The following SLMAP variants were observed in gnomAD, a reference collection of about 807,000 sequenced individuals.
The protein encoded by SLMAP is sarcolemmal membrane-associated protein.
SLMAP carries 44 observed loss-of-function variants against 128.8 expected under a neutral mutation model. The observed-to-expected ratio is 0.34, with a 90% CI of 0.27 to 0.44. The LOEUF (loss-of-function observed/expected upper bound fraction) is 0.44, where lower values mean the gene tolerates loss of function less well. Among genes scored for constraint, SLMAP ranks in the 20% least tolerant of loss-of-function variants. The pLI, the probability that SLMAP is intolerant of heterozygous loss-of-function variation, is 1.00. For synonymous variants in SLMAP, 327 were observed against 348.8 expected (o/e 0.94, Z 0.70); for missense variants, 787 against 985.3 (o/e 0.80, Z 2.69).
At chr3:57,883,313 G>C (rs1233045238) in intron 14 of SLMAP, among the ~76,000 whole-genome samples, 6 of 152,168 alleles carry the variant, frequency 3.9e-5, no homozygotes, top group Admixed American at 6.5e-5. Flanking sequence ...AAAGTAGTTG[G>C]ACAATGGACA....
chr3:57,764,660 C>T (rs1038838895), intron 2 of SLMAP, among the ~76,000 whole-genome samples: 3 of 152,136 alleles, frequency 2.0e-5, no homozygotes, highest in Non-Finnish European at 4.4e-5. Context: ...TACTTGTTAA[C>T]TTATTTAATC....
chr3:57,868,475 C>T (rs905778833), intron 13 of SLMAP, among the ~76,000 whole-genome samples: 20 of 151,426 alleles, frequency 1.3e-4, no homozygotes, highest in Non-Finnish European at 2.2e-4. Context: ...CCTGTAATCC[C>T]AGCACTTTGG....
intron 2 of SLMAP, among the ~76,000 whole-genome samples, chr3:57,789,315 C>T (rs2084929961): frequency 6.6e-6 from 1 of 152,042 alleles, no homozygotes; most frequent in African/African-American, 2.4e-5. Context: ...ACTCTGAATA[C>T]AGCATGGGCA....
At chr3:57,922,730 A>G (rs1018357611) in intron 22 of SLMAP, among the ~76,000 whole-genome samples, 159 bp from the exon 23 acceptor site, 3 of 152,040 alleles carry the variant, frequency 2.0e-5, no homozygotes, top group Non-Finnish European at 4.4e-5. Context: ...CCCGGCCAAA[A>G]GACTTCTTAT....
chr3:57,924,035 A>ATGGTTTGG (rs2096960016), intron 23 of SLMAP, among the ~76,000 whole-genome samples: 1 of 152,186 alleles, frequency 6.6e-6, no homozygotes, highest in South Asian at 2.1e-4. Context: ...TCAGATCATA[A>ATGGTTTGG]TGGTTTGGTT....
At chr3:57,892,834 T>G (rs1253242425) in intron 15 of SLMAP, among the ~76,000 whole-genome samples, 1 of 143,418 alleles carries the variant, frequency 7.0e-6, no homozygotes, top group Admixed American at 7.0e-5. Flanking sequence ...TTGCTTTCTT[T>G]TTTTTTTTTT....
chr3:57,865,266 C>A lies in SLMAP; in HGVS notation c.1211C>A (p.Pro404His). 1.3e-6 allele frequency: 2 copies of A among 1,484,554 alleles called. No individual in the cohort carries two copies. The highest frequency in any genetic ancestry group is 1.8e-6 in the Non-Finnish European group (2 of 1,093,714). 92.0% of individuals were successfully genotyped at this position (1,484,554 alleles called of 1,614,324 possible). A position where few individuals can be genotyped will look rare whatever the true frequency, so the allele number is the denominator to read the frequency against. ...SLGIQVDDFLPKINGSTEKEH... is the reference protein window; with the variant it reads ...SLGIQVDDFLHKINGSTEKEH... ...GGGATACAAGTTGATGACTTCTTACCTAAAATAAATGGGAGCACAGAAAAA... is the reference window on the plus strand; with the variant it reads ...GGGATACAAGTTGATGACTTCTTACATAAAATAAATGGGAGCACAGAAAAA... Residue 404 changes from proline to histidine, a missense_variant, in exon 13 of 25, where the codon CCT becomes CAT. This residue lies in a region of SLMAP where 715 missense variants were observed against 843.6 expected (regional missense o/e 0.85). Transcript: ENST00000671191.
intron 21 of SLMAP, among the ~76,000 whole-genome samples, chr3:57,914,433 T>C (rs757495425): frequency 6.6e-6 from 1 of 152,102 alleles, no homozygotes; most frequent in Non-Finnish European, 1.5e-5. Flanking sequence ...ATGTTTTACA[T>C]TGTTTATAAG....
chr3:57,862,353 G>C (rs1248750457), intron 10 of SLMAP, among the ~76,000 whole-genome samples: 2 of 151,500 alleles, frequency 1.3e-5, no homozygotes, highest in Non-Finnish European at 2.9e-5. Context: ...ACAAAAAACA[G>C]TTTGGGCCAG....
At chr3:57,884,945 G>A (rs1687797395) in intron 14 of SLMAP, among the ~76,000 whole-genome samples, 2 of 151,968 alleles carry the variant, frequency 1.3e-5, no homozygotes, top group Non-Finnish European at 2.9e-5. Flanking sequence ...TGAAGAGAAA[G>A]CCAAGATCAG....
chr3:57,862,601 G>C (rs574629057), intron 10 of SLMAP, among the ~76,000 whole-genome samples: 1 of 131,628 alleles, frequency 7.6e-6, no homozygotes, highest in South Asian at 2.4e-4. Flanking sequence ...TTGCACCACT[G>C]CACTCCAGCC....
At chr3:57,904,414 C>T (rs768417090) in intron 17 of SLMAP, among the ~76,000 whole-genome samples, 4 of 152,098 alleles carry the variant, frequency 2.6e-5, no homozygotes, top group Admixed American at 2.6e-4. Flanking sequence ...ACAGAGCAGA[C>T]CCTGTCTTGA....
At chr3:57,778,669 G>T (rs1380488559) in intron 2 of SLMAP, among the ~76,000 whole-genome samples, 3 of 149,920 alleles carry the variant, frequency 2.0e-5, no homozygotes, top group Non-Finnish European at 4.4e-5. Context: ...CAAACTCTTG[G>T]GCTCAAGCAA....
intron 10 of SLMAP, 76 bp downstream of exon 10, chr3:57,862,162 T>C: frequency 8.1e-7 from 1 of 1,240,764 alleles, no homozygotes; most frequent in South Asian, 1.3e-5. Flanking sequence ...ATTTTAGGTA[T>C]TGCTTTAGCT....
chr3:57,927,182 T>A (rs539599836), intron 24 of SLMAP, 114 bp from the exon 25 acceptor site: 56 of 500,848 alleles, frequency 1.1e-4, no homozygotes, highest in African/African-American at 9.8e-4. Context: ...GATGCAGAAA[T>A]AAGATTTTTC....
At chr3:57,777,047 C>T (rs1170449434) in intron 2 of SLMAP, among the ~76,000 whole-genome samples, 1 of 137,418 alleles carries the variant, frequency 7.3e-6, no homozygotes, top group East Asian at 2.2e-4. Flanking sequence ...ATTGCCAACA[C>T]AATACCTTTC....
intron 2 of SLMAP, among the ~76,000 whole-genome samples, chr3:57,773,899 AG>A (rs2081344491): frequency 6.6e-6 from 1 of 152,154 alleles, no homozygotes; most frequent in South Asian, 2.1e-4. Flanking sequence ...TGCATTTTTA[AG>A]GTTTTTTATA....
intron 2 of SLMAP, among the ~76,000 whole-genome samples, chr3:57,795,785 T>A (rs1453804753): frequency 6.6e-6 from 1 of 152,080 alleles, no homozygotes. Flanking sequence ...AACTTTTTCA[T>A]CATCCCAAAC....
At chr3:57,777,056 T>C (rs979083312) in intron 2 of SLMAP, among the ~76,000 whole-genome samples, 1 of 142,146 alleles carries the variant, frequency 7.0e-6, no homozygotes, top group Non-Finnish European at 1.5e-5. Context: ...ACAATACCTT[T>C]CTCCAAAGAA....
Sources: gnomAD v4.1 joint callset for allele counts (sites outside exome capture counted in the v4.1 genomes callset) on GRCh38, gnomAD v4.1.1 for gene constraint, gnomAD v4.1.1 regional missense constraint, MANE v1.5 for transcripts, NCBI Gene and HGNC (gene_info 2026-07-23, HGNC 2026-07-21) for gene names.